The following TMEM181 variants were observed in gnomAD, a reference collection of about 807,000 sequenced individuals.
TMEM181 encodes G protein-coupled receptor 178.
TMEM181 carries 39 observed loss-of-function variants against 71.9 expected under a neutral mutation model. The observed-to-expected ratio is 0.54, with a 90% CI of 0.42 to 0.71. The LOEUF (loss-of-function observed/expected upper bound fraction) is 0.71, where lower values mean the gene tolerates loss of function less well. Ranked by LOEUF, TMEM181 falls within the 30% of genes least tolerant of loss-of-function variation. The pLI is 0.00. For synonymous variants in TMEM181, 245 were observed against 228.8 expected (o/e 1.07, Z -0.64); for missense variants, 595 against 583.0 (o/e 1.02, Z -0.21).
chr6:158,559,950 G>A, upstream of TMEM181: 1 of 635,834 alleles, frequency 1.6e-6, no homozygotes, highest in Non-Finnish European at 1.9e-6. Context: ...GCTCCCGGCC[G>A]TGGGGCTCCG....
rs9457412 is a variant in TMEM181, at chr6:158,608,836, G to C, written c.896+86G>C. On this transcript the variant is annotated intron_variant, in intron 10 of 16. Transcript: ENST00000684151. ...GGCCAGGCCAGGCGTAGTGGCTCAC[G>C]CCTGTAATCCCAGCACTTTGACAGG... 85 of 1,261,352 alleles carry C rather than the reference G, an allele frequency of 6.7e-5. No homozygotes were observed. In the Middle Eastern group the frequency reaches 2.4e-3, roughly 35 times the overall value. The allele number at this position is 1,261,352 out of a possible 1,614,324, so 78.1% of individuals were successfully genotyped here.
intron 15 of TMEM181, 50 bp from the exon 16 acceptor site, chr6:158,631,273 G>A: frequency 6.3e-7 from 1 of 1,596,100 alleles, no homozygotes. Context: ...TGCCTGTCCA[G>A]GCTCATCACG....
intron 1 of TMEM181, among the ~76,000 whole-genome samples, chr6:158,546,601 C>T (rs1285738851): frequency 6.6e-6 from 1 of 152,198 alleles, no homozygotes; most frequent in Non-Finnish European, 1.5e-5. Flanking sequence ...ATCTCTCTTG[C>T]CAATGCCCTG....
At chr6:158,554,701 T>C (rs1781824168) in intron 1 of TMEM181, among the ~76,000 whole-genome samples, 1 of 152,230 alleles carries the variant, frequency 6.6e-6, no homozygotes, top group African/African-American at 2.4e-5. Flanking sequence ...GATCTTACCA[T>C]GAAGACACAA....
intron 1 of TMEM181, among the ~76,000 whole-genome samples, chr6:158,552,397 A>G (rs549740406): frequency 6.6e-6 from 1 of 152,362 alleles, no homozygotes; most frequent in South Asian, 2.1e-4. Flanking sequence ...TTGAGTATAC[A>G]CTATATCACA....
chr6:158,605,021 G>A (rs540081750), intron 6 of TMEM181, among the ~76,000 whole-genome samples: 9 of 151,794 alleles, frequency 5.9e-5, no homozygotes, highest in African/African-American at 2.2e-4. Flanking sequence ...GGCTGAGGTA[G>A]GAGAAGTGAT....
intron 10 of TMEM181, among the ~76,000 whole-genome samples, chr6:158,615,200 T>C (rs182565162): frequency 6.6e-6 from 1 of 152,354 alleles, no homozygotes; most frequent in African/African-American, 2.4e-5. Flanking sequence ...TGAGTTGATA[T>C]CTCATTGTGG....
In TMEM181 at chr6:158,595,688, G is replaced by A. The variant is rs139028358; in HGVS notation, c.492+5906G>A. Among the ~76,000 whole-genome samples the A allele has an allele frequency of 3.6e-3, 555 of 152,228 alleles. 4 individuals are homozygous for A. The highest frequency in any genetic ancestry group is 0.012 in the African/African-American group (493 of 41,542). Reference sequence around the variant, plus strand: ...AAATAAGCCAAATACGAAACAGTACGGAGTGTATGATTCCATTTATATAAA... The same window carrying A: ...AAATAAGCCAAATACGAAACAGTACAGAGTGTATGATTCCATTTATATAAA... On this transcript the variant is annotated intron_variant, in intron 6 of 16. Coordinates refer to ENST00000684151, the MANE Select transcript of TMEM181 (RefSeq NM_001376852.1).
chr6:158,616,178 TCTC>T (rs1785601762), intron 10 of TMEM181, among the ~76,000 whole-genome samples: 1 of 152,168 alleles, frequency 6.6e-6, no homozygotes, highest in Non-Finnish European at 1.5e-5. Context: ...GGTTTGTAGT[TCTC>T]CTTCAAGAGG....
chr6:158,611,113 C>A, intron 10 of TMEM181: 1 of 512,662 alleles, frequency 2.0e-6, no homozygotes. Context: ...CCCCAAGGGG[C>A]TCCTCAGTGG....
chr6:158,622,124 C>G (rs1181062284), intron 10 of TMEM181, among the ~76,000 whole-genome samples: 1 of 152,192 alleles, frequency 6.6e-6, no homozygotes, highest in African/African-American at 2.4e-5. Context: ...CAAGATGACA[C>G]CACTCTGACC....
intron 6 of TMEM181, among the ~76,000 whole-genome samples, chr6:158,602,308 A>G (rs746015885): frequency 1.3e-5 from 2 of 152,234 alleles, no homozygotes; most frequent in Non-Finnish European, 2.9e-5. Context: ...CATTTGAATT[A>G]CTTCCAGTTT....
intron 6 of TMEM181, among the ~76,000 whole-genome samples, chr6:158,600,669 C>T (rs1197298382): frequency 1.3e-5 from 2 of 151,390 alleles, no homozygotes; most frequent in Admixed American, 6.6e-5. Flanking sequence ...TGGGGTTTTG[C>T]GATGTTGCCC....
At position 158,583,310 on chromosome 6, in the gene TMEM181, T is replaced by C. The variant is rs192566303; in HGVS notation, c.169-644T>C. On this transcript the variant is annotated intron_variant, in intron 3 of 16. Transcript: ENST00000684151. The stretch of plus-strand genomic sequence containing the variant: ...TTTGGTATTCTTTATTGTCTTAGTA[T>C]GTATCTCATCATTCTGCTCATTTTA... 1.5e-3 allele frequency among the ~76,000 whole-genome samples: 226 copies of C among 152,344 alleles called. 1 individual carries two copies. In the South Asian group the frequency reaches 0.026, roughly 17 times the overall value.
chr6:158,583,635 C>G (rs983686761), intron 3 of TMEM181, among the ~76,000 whole-genome samples: 1 of 152,012 alleles, frequency 6.6e-6, no homozygotes, highest in Non-Finnish European at 1.5e-5. Flanking sequence ...TCCGTCTGTA[C>G]TAGAAATACA....
chr6:158,579,491 G>T (rs539212250), intron 2 of TMEM181, among the ~76,000 whole-genome samples: 2 of 151,966 alleles, frequency 1.3e-5, no homozygotes, highest in African/African-American at 2.4e-5. Flanking sequence ...GGAGGGAGAG[G>T]TGTGTGGATC....
chr6:158,572,200 T>A (rs1241148441), intron 1 of TMEM181, among the ~76,000 whole-genome samples: 1 of 152,202 alleles, frequency 6.6e-6, no homozygotes, highest in Non-Finnish European at 1.5e-5. Context: ...AGTGACTTCC[T>A]GCTCTGCAAC....
intron 1 of TMEM181, chr6:158,536,921 CTCCGGGACCCCGGCGCGCCCCGGCCTTG>C: frequency 8.2e-7 from 1 of 1,217,218 alleles, no homozygotes; most frequent in South Asian, 3.8e-5. Flanking sequence ...CCGCAGTCCC[CTCCGGGACCCCGGCGCGCCCCGGCCTTG>C]GCCTGGTCCC....
intron 10 of TMEM181, chr6:158,610,824 G>T: frequency 3.1e-6 from 1 of 320,110 alleles, no homozygotes; most frequent in Non-Finnish European, 6.0e-6. Flanking sequence ...GGCTGCTGGT[G>T]CACTAGCTGA....
Sources: gnomAD v4.1 joint callset for allele counts (sites outside exome capture counted in the v4.1 genomes callset) on GRCh38, gnomAD v4.1.1 for gene constraint, MANE v1.5 for transcripts, NCBI Gene and HGNC (gene_info 2026-07-23, HGNC 2026-07-21) for gene names.